The following FAF1 variants were observed in gnomAD, a reference collection of about 807,000 sequenced individuals.
FAF1 encodes Fas associated factor 1, also known as FAS-associated factor 1.
In FAF1, 25 loss-of-function variants were observed where a neutral mutation model predicts 92.5. That is an observed-to-expected ratio of 0.27 (90% confidence interval 0.20 to 0.38). The LOEUF is 0.38. Among genes scored for constraint, FAF1 ranks in the 10% least tolerant of loss-of-function variants. The pLI is 1.00. For missense variants in FAF1, 636 were observed against 793.3 expected (o/e 0.80, Z 2.38); for synonymous variants, 234 against 273.2 (o/e 0.86, Z 1.42).
chr1:50,673,593 AT>A (rs1655992692), intron 7 of FAF1, among the ~76,000 whole-genome samples: 1 of 152,168 alleles, frequency 6.6e-6, no homozygotes, highest in Admixed American at 6.5e-5. Context: ...AAATTCATAA[AT>A]TTCAGAGTTA....
intron 7 of FAF1, among the ~76,000 whole-genome samples, chr1:50,674,209 C>T (rs553814698): frequency 6.6e-6 from 1 of 152,294 alleles, no homozygotes; most frequent in Admixed American, 6.5e-5. Context: ...CTTGGGCCTC[C>T]CAAAGTGCTG....
chr1:50,828,109 A>C (rs1368011634), intron 2 of FAF1, among the ~76,000 whole-genome samples: 1 of 152,220 alleles, frequency 6.6e-6, no homozygotes, highest in Admixed American at 6.5e-5. Context: ...ACTTTTAATA[A>C]ATAAAACAGG....
intron 1 of FAF1, among the ~76,000 whole-genome samples, chr1:50,915,306 G>T (rs1485961862): frequency 6.6e-6 from 1 of 150,916 alleles, no homozygotes; most frequent in African/African-American, 2.4e-5. Context: ...GGAGGCGGAG[G>T]TTGCAGTGAG....
At chr1:50,569,025 ATGGTGAACAAGAAAGACTCGGGG>A (rs1650301450) in intron 12 of FAF1, among the ~76,000 whole-genome samples, 1 of 152,190 alleles carries the variant, frequency 6.6e-6, no homozygotes, top group African/African-American at 2.4e-5. Context: ...TGGCAATAAA[ATGGTGAACAAGAAAGACTCGGGG>A]TTTCTTCATC....
chr1:50,822,774 C>CTTTTTTTTTTTTT (rs772097310), intron 2 of FAF1, among the ~76,000 whole-genome samples: 2 of 125,234 alleles, frequency 1.6e-5, no homozygotes, highest in Non-Finnish European at 3.4e-5. Context: ...TTCTTTCTTT[C>CTTTTTTTTTTTTT]TTTTTTTTTT....
At chr1:50,573,114 T>C (rs1400980511) in intron 12 of FAF1, among the ~76,000 whole-genome samples, 2 of 151,934 alleles carry the variant, frequency 1.3e-5, no homozygotes, top group Non-Finnish European at 2.9e-5. Flanking sequence ...CTTTTCTTTT[T>C]TTTTTTTTTG....
At chr1:50,703,439 G>C (rs1327319795) in intron 7 of FAF1, among the ~76,000 whole-genome samples, 1 of 152,064 alleles carries the variant, frequency 6.6e-6, no homozygotes, top group Non-Finnish European at 1.5e-5. Flanking sequence ...ACTAGGCCCA[G>C]AGAGGTCCCA....
At chr1:50,758,683 A>G (rs373237000) in intron 4 of FAF1, among the ~76,000 whole-genome samples, 29 of 152,256 alleles carry the variant, frequency 1.9e-4, no homozygotes, top group African/African-American at 6.3e-4. Context: ...TTACTTTAAC[A>G]TCTCTTATAG....
chr1:50,515,164 G>A (rs959569073), intron 15 of FAF1, among the ~76,000 whole-genome samples: 2 of 152,128 alleles, frequency 1.3e-5, no homozygotes, highest in Admixed American at 1.3e-4. Flanking sequence ...GCTTAGAAAG[G>A]AAGTCAATAT....
At chr1:50,674,264 T>A (rs1160216354) in intron 7 of FAF1, among the ~76,000 whole-genome samples, 3 of 152,132 alleles carry the variant, frequency 2.0e-5, no homozygotes, top group Admixed American at 6.6e-5. Flanking sequence ...AGGCAATTTT[T>A]TTTTTTTATT....
In FAF1 at chr1:50,679,727, T is replaced by C. The variant is rs571073516; in HGVS notation, c.658-24199A>G. On this transcript the variant is annotated intron_variant, in intron 7 of 18. Coordinates refer to ENST00000396153, the MANE Select transcript of FAF1 (RefSeq NM_007051.3). ...AAAATGTAAAGCACATAGTAGTAAA[T>C]ATAAAATGAAAATATTGGTAACTGC... is the stretch of plus-strand genomic sequence containing the variant. Among the ~76,000 whole-genome samples the C allele has an allele frequency of 5.8e-4, 88 of 152,322 alleles. 1 individual carries two copies. Among genetic ancestry groups the C allele is most frequent in the Non-Finnish European group, 1.0e-3 (69 of 68,026 alleles).
intron 18 of FAF1, among the ~76,000 whole-genome samples, chr1:50,465,668 G>T (rs914048816): frequency 6.6e-6 from 1 of 152,154 alleles, no homozygotes; most frequent in African/African-American, 2.4e-5. Flanking sequence ...AGGAATAGGG[G>T]TTGTCAGTCT....
intron 5 of FAF1, among the ~76,000 whole-genome samples, chr1:50,740,853 A>G (rs1340837040): frequency 2.0e-5 from 3 of 152,210 alleles, no homozygotes; most frequent in Admixed American, 2.0e-4. Flanking sequence ...ACACACACAC[A>G]AATTATTTTT....
At chr1:50,700,109 T>C (rs2124413364) in intron 7 of FAF1, among the ~76,000 whole-genome samples, 1 of 151,996 alleles carries the variant, frequency 6.6e-6, no homozygotes, top group South Asian at 2.1e-4. Context: ...ACTCAAATGA[T>C]ATGAAAGGCT....
At chr1:50,667,668 T>A (rs1023472170) in intron 7 of FAF1, among the ~76,000 whole-genome samples, 1 of 152,206 alleles carries the variant, frequency 6.6e-6, no homozygotes, top group African/African-American at 2.4e-5. Context: ...CACAGACAAA[T>A]TAAGCTACTT....
chr1:50,508,481 A>G (rs1647088123), intron 15 of FAF1, among the ~76,000 whole-genome samples: 1 of 152,236 alleles, frequency 6.6e-6, no homozygotes. Flanking sequence ...GTCAGACAAA[A>G]AAGTCATATA....
chr1:50,855,515 T>C (rs976682927), intron 2 of FAF1, among the ~76,000 whole-genome samples: 4 of 151,774 alleles, frequency 2.6e-5, no homozygotes, highest in African/African-American at 9.7e-5. Context: ...CTGTAAACCC[T>C]AGAAAATGCA....
At position 50,738,973 on chromosome 1, in the gene FAF1, A is replaced by G; in HGVS notation, c.460-19T>C. On this transcript the variant is annotated intron_variant, in intron 5 of 18. Coordinates refer to ENST00000396153, the MANE Select transcript of FAF1 (RefSeq NM_007051.3). ...GGACCGTCTGAAAAAGAAAAAACAC[A>G]GCAAAAAATGAATGTTGATGTTGAT... 1 of 1,435,788 alleles carries G rather than the reference A, an allele frequency of 7.0e-7. No individual in the cohort carries two copies. 88.9% of individuals were successfully genotyped at this position (1,435,788 alleles called of 1,614,324 possible).
At chr1:50,892,983 A>G (rs1232310040) in intron 1 of FAF1, among the ~76,000 whole-genome samples, 1 of 152,200 alleles carries the variant, frequency 6.6e-6, no homozygotes, top group Non-Finnish European at 1.5e-5. Context: ...AAAAGACTTA[A>G]AATGCATTCT....
Sources: gnomAD v4.1 joint callset for allele counts (sites outside exome capture counted in the v4.1 genomes callset) on GRCh38, gnomAD v4.1.1 for gene constraint, MANE v1.5 for transcripts, NCBI Gene and HGNC (gene_info 2026-07-23, HGNC 2026-07-21) for gene names.